GOLT1B: variants seen among roughly 807,000 people sequenced by gnomAD.
GOLT1B encodes the protein golgi transport 1B.
GOLT1B carries 3 observed loss-of-function variants against 15.4 expected under a neutral mutation model. The ratio of observed to expected loss-of-function variants is 0.19; its 90% CI spans 0.09 to 0.50. The LOEUF (loss-of-function observed/expected upper bound fraction) is 0.50. Among genes scored for constraint, GOLT1B ranks in the 20% least tolerant of loss-of-function variants. GOLT1B has a pLI of 0.97. For missense variants in GOLT1B, 145 were observed against 160.4 expected, an observed-to-expected ratio of 0.90 and a Z score of 0.52; for synonymous variants, 65 against 56.2, an observed-to-expected ratio of 1.16 and a Z score of -0.70.
rs1169009082 is a variant in GOLT1B at position 21,508,807 on chromosome 12, G to A, written c.296+246G>A. On this transcript the variant is annotated intron_variant, in intron 3 of 4. Coordinates refer to ENST00000229314, the MANE Select transcript of GOLT1B (RefSeq NM_016072.5). ...AAAGTTTATTTTATTGGCATTTTAA[G>A]GCACCATCTTTATGTTGGATATTTG... Among the ~76,000 whole-genome samples, 4 of 152,136 alleles carry A rather than the reference G, an allele frequency of 2.6e-5. No individual in the cohort carries two copies. In the East Asian group the frequency reaches 5.8e-4, roughly 22 times the overall value.
chr12:21,508,569 ATAT>A lies in GOLT1B; in HGVS notation c.296+13_296+15del, dbSNP rs1306484804. 4.9e-6 allele frequency: 7 copies of A among 1,416,112 alleles called. No homozygotes were observed. The highest frequency in any genetic ancestry group is 6.9e-6 in the Non-Finnish European group (7 of 1,008,454). 87.7% of individuals were successfully genotyped at this position (1,416,112 alleles called of 1,614,324 possible). On this transcript the variant is annotated intron_variant, in intron 3 of 4. Transcript: ENST00000229314. Reference sequence around the variant, plus strand: ...ATTTTTTCTCTTGTTCAGGTAAGGCATATTATTGTCTCTTTCAGTAAATCAGTG... The same window carrying A: ...ATTTTTTCTCTTGTTCAGGTAAGGCATATTGTCTCTTTCAGTAAATCAGTG...
At position 21,516,059 on chromosome 12, in the gene GOLT1B, C is replaced by T. The variant is rs947245594; in HGVS notation, c.*352C>T. On this transcript the variant is annotated 3_prime_UTR_variant, in exon 5 of 5. Coordinates refer to ENST00000229314, the MANE Select transcript of GOLT1B (RefSeq NM_016072.5). ...GTTTCTTTTCTTTTTATTTTGAAGG[C>T]TCAGGAGCATCCATAGGCATTTGCT... 1 of 187,168 alleles carries T rather than the reference C, an allele frequency of 5.3e-6. No individual in the cohort carries two copies. Among genetic ancestry groups the T allele is most frequent in the African/African-American group, 2.3e-5 (1 of 42,636 alleles). The allele number at this position is 187,168 out of a possible 1,614,324, so 11.6% of individuals were successfully genotyped here.
chr12:21,510,855 C>A (rs537242898), intron 3 of GOLT1B, among the ~76,000 whole-genome samples: 1 of 152,272 alleles, frequency 6.6e-6, no homozygotes, highest in East Asian at 1.9e-4. Context: ...GAATTGTATT[C>A]ATTGTAGTAT....
intron 1 of GOLT1B, among the ~76,000 whole-genome samples, chr12:21,502,734 C>T (rs1332236571): frequency 1.3e-5 from 2 of 152,100 alleles, no homozygotes; most frequent in Non-Finnish European, 2.9e-5. Context: ...CACTTTCCTA[C>T]TGCTTTTTGT....
At position 21,518,055 on chromosome 12, in the gene GOLT1B, ATAC is replaced by A. The variant is rs1292132082; in HGVS notation, c.*2350_*2352del. The A allele has an allele frequency of 2.6e-5, 4 of 152,688 alleles. No homozygotes were observed. The highest frequency in any genetic ancestry group is 1.5e-5 in the Non-Finnish European group (1 of 67,988). The allele number at this position is 152,688 out of a possible 1,614,324, so 9.5% of individuals were successfully genotyped here. A position where few individuals can be genotyped will look rare whatever the true frequency, so the allele number is the denominator to read the frequency against. Reference sequence around the variant, plus strand: ...CCCCTTATAAATTGTAATTCCTGAAATACTGCTGCTTTAAAAAGTCCCACTGTC... The same window carrying A: ...CCCCTTATAAATTGTAATTCCTGAAATGCTGCTTTAAAAAGTCCCACTGTC... On this transcript the variant is annotated 3_prime_UTR_variant, in exon 5 of 5. Transcript: ENST00000229314.
chr12:21,505,653 T>G (rs1943673290), intron 1 of GOLT1B, among the ~76,000 whole-genome samples: 1 of 152,178 alleles, frequency 6.6e-6, no homozygotes. Flanking sequence ...TATCAGAACA[T>G]TTTATATGAC....
chr12:21,510,901 T>G (rs567601018), intron 3 of GOLT1B, among the ~76,000 whole-genome samples: 32 of 152,338 alleles, frequency 2.1e-4, no homozygotes, highest in Non-Finnish European at 4.1e-4. Context: ...GAAAACAGCT[T>G]TTTTTCTGTA....
At chr12:21,512,522 A>C (rs932349233) in intron 4 of GOLT1B, 146 bp downstream of exon 4, 2 of 545,252 alleles carry the variant, frequency 3.7e-6, no homozygotes, top group Non-Finnish European at 6.6e-6. Flanking sequence ...TACCATGAAG[A>C]CCAAAAAATA....
Position 21,508,919 on chromosome 12 carries a change from A to AGATAGATCGATC in GOLT1B, c.296+361_296+362insAGATCGATCGAT, listed in dbSNP as rs1555149887. On this transcript the variant is annotated intron_variant, in intron 3 of 4. Transcript: ENST00000229314. ...TAGATAGATAGATAGATAGATAGAT[A>AGATAGATCGATC]GATCCAGCATTTTGGTGTGTAGAAT... Among the ~76,000 whole-genome samples, 551 of 151,386 alleles carry AGATAGATCGATC rather than the reference A, an allele frequency of 3.6e-3. 1 individual carries two copies. The highest frequency in any genetic ancestry group is 6.3e-3 in the Admixed American group (95 of 15,170).
rs1251079289 is a variant in GOLT1B at position 21,501,802 on chromosome 12, G to C, written c.-122G>C. 2.8e-6 allele frequency: 2 copies of C among 721,902 alleles called. No homozygotes were observed. The highest frequency in any genetic ancestry group is 4.2e-5 in the Admixed American group (2 of 47,742). 44.7% of individuals were successfully genotyped at this position (721,902 alleles called of 1,614,324 possible). On this transcript the variant is annotated 5_prime_UTR_variant, in exon 1 of 5. Transcript: ENST00000229314. ...TCTTAAAGCGGCAGTGAGGGTGGCT[G>C]CGTGTTTCCGGAAGACGTGGCGGCT... is the stretch of plus-strand genomic sequence containing the variant.
rs185466382 is a variant in GOLT1B at position 21,511,494 on chromosome 12, C to G, written c.297-801C>G. Among the ~76,000 whole-genome samples the G allele has an allele frequency of 5.9e-3, 902 of 152,270 alleles. 8 individuals are homozygous for G. Among genetic ancestry groups the G allele is most frequent in the African/African-American group, 0.021 (868 of 41,558 alleles). ...TGACCAGCTTCACAGCCCCCCTCCCCTTCGTGGAGGTTAGGAGGTAGGGCT... is the reference window on the plus strand; with the variant it reads ...TGACCAGCTTCACAGCCCCCCTCCCGTTCGTGGAGGTTAGGAGGTAGGGCT... On this transcript the variant is annotated intron_variant, in intron 3 of 4. Transcript: ENST00000229314.
chr12:21,502,533 G>A (rs1484314834), intron 1 of GOLT1B, among the ~76,000 whole-genome samples: 2 of 152,184 alleles, frequency 1.3e-5, no homozygotes, highest in Admixed American at 6.5e-5. Flanking sequence ...ACCTGCTAAA[G>A]TTTCAAGCAG....
At chr12:21,511,523 A>G (rs1402353437) in intron 3 of GOLT1B, among the ~76,000 whole-genome samples, 1 of 152,124 alleles carries the variant, frequency 6.6e-6, no homozygotes, top group Admixed American at 6.5e-5. Context: ...TAGGGCTCAG[A>G]TTTCCAGCCC....
chr12:21,508,503 A>G lies in GOLT1B; in HGVS notation c.238A>G (p.Ile80Val), dbSNP rs1943694995. Residue 80 changes from isoleucine (I) to valine (V), a missense_variant, in exon 3 of 5, where the codon ATT becomes GTT. Ile to Val is a conservative substitution (Grantham distance 29). Coordinates refer to ENST00000229314, the MANE Select transcript of GOLT1B (RefSeq NM_016072.5). ...FFLGGVFVVL[I>V]GWPLIGMIFE... ...TCTGGGTGGTGTATTTGTAGTCCTT[A>G]TTGGTTGGCCTTTGATAGGCATGAT... The G allele has an allele frequency of 6.3e-7, 1 of 1,590,576 alleles. No homozygotes were observed. The highest frequency in any genetic ancestry group is 8.6e-7 in the Non-Finnish European group (1 of 1,160,524).
At chr12:21,512,919 T>G (rs923233732) in intron 4 of GOLT1B, among the ~76,000 whole-genome samples, 31 of 151,836 alleles carry the variant, frequency 2.0e-4, no homozygotes, top group African/African-American at 7.5e-4. Flanking sequence ...AATACAAAAA[T>G]TAGCTGGGTG....
intron 1 of GOLT1B, 127 bp downstream of exon 1, chr12:21,502,075 A>G: frequency 1.4e-6 from 1 of 739,150 alleles, no homozygotes; most frequent in Non-Finnish European, 2.4e-6. Context: ...AGACAGAGCT[A>G]GGGCTGCTGG....
intron 1 of GOLT1B, among the ~76,000 whole-genome samples, chr12:21,502,473 A>C (rs1943639984): frequency 6.6e-6 from 1 of 152,312 alleles, no homozygotes; most frequent in East Asian, 1.9e-4. Flanking sequence ...GCTTTTTGCC[A>C]GTACTGTAAG....
In GOLT1B at chr12:21,517,848, G is replaced by A. The variant is rs1366261488; in HGVS notation, c.*2141G>A. 2 of 152,468 alleles carry A rather than the reference G, an allele frequency of 1.3e-5. No homozygotes were observed. The highest frequency in any genetic ancestry group is 3.8e-4 in the East Asian group (2 of 5,198). 9.4% of individuals were successfully genotyped at this position (152,468 alleles called of 1,614,324 possible). On this transcript the variant is annotated 3_prime_UTR_variant, in exon 5 of 5. Transcript: ENST00000229314. The stretch of plus-strand genomic sequence containing the variant: ...AGACTATTTTTAAACATACTAGTCT[G>A]CTGATAGAAAGCACTATACATCCTA...
intron 3 of GOLT1B, 63 bp downstream of exon 3, chr12:21,508,624 G>T (rs1943696420): frequency 1.3e-6 from 1 of 796,054 alleles, no homozygotes; most frequent in South Asian, 1.6e-5. Flanking sequence ...CAAAAACTCA[G>T]ATATTTGCAT....
Sources: gnomAD v4.1 joint callset for allele counts (sites outside exome capture counted in the v4.1 genomes callset) on GRCh38, gnomAD v4.1.1 for gene constraint, MANE v1.5 for transcripts, NCBI Gene and HGNC (gene_info 2026-07-23, HGNC 2026-07-21) for gene names.